Variants in CCDC88A observed in about 807,000 individuals in gnomAD.
CCDC88A encodes the protein coiled-coil and HOOK domain protein 88A, also known as girdin.
In CCDC88A, 54 loss-of-function variants were observed where a neutral mutation model predicts 234.3. The ratio of observed to expected loss-of-function variants is 0.23; its 90% CI spans 0.19 to 0.29. The LOEUF (loss-of-function observed/expected upper bound fraction) is 0.29, where lower values mean the gene tolerates loss of function less well. Ranked by LOEUF, CCDC88A falls within the 10% of genes least tolerant of loss-of-function variation. CCDC88A has a pLI of 1.00. For synonymous variants in CCDC88A, 753 were observed against 737.8 expected (o/e 1.02, Z -0.33); for missense variants, 1,832 against 2,123.4 (o/e 0.86, Z 2.70).
chr2:55,409,641 G>A (rs1232432432), intron 2 of CCDC88A, among the ~76,000 whole-genome samples: 2 of 151,870 alleles, frequency 1.3e-5, no homozygotes, highest in Non-Finnish European at 2.9e-5. Context: ...CCTGATGAGA[G>A]AGCTCTGCCC....
chr2:55,418,945 A>C (rs766194207), intron 1 of CCDC88A, 29 bp from the exon 2 acceptor site: 2 of 1,601,616 alleles, frequency 1.2e-6, no homozygotes, highest in Non-Finnish European at 1.7e-6. Context: ...TCACCACGAC[A>C]TGAACGCCCA....
At position 55,317,340 on chromosome 2, in the gene CCDC88A, C is replaced by A; in HGVS notation, c.3612G>T (p.Gln1204His). The change falls in exon 21 of 33, where the codon CAG becomes CAT. Residue 1204 changes from glutamine to histidine, a missense_variant. By Grantham distance (24) the Gln-to-His change is conservative. This residue lies in a region of CCDC88A where 1,282 missense variants were observed against 1,543.6 expected (regional missense o/e 0.83). Coordinates refer to ENST00000436346, the MANE Select transcript of CCDC88A (RefSeq NM_001365480.1). This position sits in a 1 kb window ranked among gnomAD's most constrained non-coding sequence, Gnocchi z 4.2. ...CCAACTGTCCTTTCTGTTTTAATAACTGATTGTAACTGGGGGGAAAAAAGG... is the reference window on the plus strand; with the variant it reads ...CCAACTGTCCTTTCTGTTTTAATAAATGATTGTAACTGGGGGGAAAAAAGG... Reference protein sequence around the residue: ...EHRDLEDRYNQLLKQKGQLED... With the variant: ...EHRDLEDRYNHLLKQKGQLED... 1 of 1,481,906 alleles carries A rather than the reference C, an allele frequency of 6.7e-7. No homozygotes were observed. 91.8% of individuals were successfully genotyped at this position (1,481,906 alleles called of 1,614,324 possible). A position where few individuals can be genotyped will look rare whatever the true frequency, so the allele number is the denominator to read the frequency against.
chr2:55,408,848 A>G (rs1037335961), intron 2 of CCDC88A, among the ~76,000 whole-genome samples: 1 of 152,098 alleles, frequency 6.6e-6, no homozygotes, highest in African/African-American at 2.4e-5. Flanking sequence ...ACCCCTTTCC[A>G]GTAACACAAC....
At chr2:55,408,445 A>T (rs1679955941) in intron 2 of CCDC88A, among the ~76,000 whole-genome samples, 1 of 152,154 alleles carries the variant, frequency 6.6e-6, no homozygotes, top group Non-Finnish European at 1.5e-5. Context: ...CACAAGATAC[A>T]GGTCATAAAG....
At chr2:55,374,957 G>A in intron 3 of CCDC88A, 74 bp from the exon 4 acceptor site, 1 of 892,338 alleles carries the variant, frequency 1.1e-6, no homozygotes, top group Non-Finnish European at 1.8e-6. Context: ...TATAACTTAT[G>A]ATTTGTACAT....
chr2:55,306,874 C>T (rs1178556511), intron 25 of CCDC88A, among the ~76,000 whole-genome samples: 1 of 152,196 alleles, frequency 6.6e-6, no homozygotes, highest in Non-Finnish European at 1.5e-5. Context: ...CCGCGCCTGG[C>T]CTATAGCCCA....
At chr2:55,301,444 T>A in intron 27 of CCDC88A, 167 bp from the exon 28 acceptor site, 4 of 528,498 alleles carry the variant, frequency 7.6e-6, no homozygotes, top group Non-Finnish European at 1.3e-5. Flanking sequence ...ATAAGAAAAA[T>A]GACAACTCTC....
At chr2:55,418,638 A>G (rs534428857) in intron 2 of CCDC88A, 178 bp downstream of exon 2, 1 of 598,908 alleles carries the variant, frequency 1.7e-6, no homozygotes, top group East Asian at 2.7e-5. Flanking sequence ...TAAAATATCT[A>G]GGTTGTGATA....
intron 9 of CCDC88A, chr2:55,349,215 T>C (rs372830336): frequency 6.5e-6 from 2 of 307,550 alleles, no homozygotes; most frequent in Non-Finnish European, 1.2e-5. Context: ...CAGTTTACAG[T>C]AGAGGTGTTC....
intron 5 of CCDC88A, among the ~76,000 whole-genome samples, chr2:55,367,024 T>A (rs890475272): frequency 6.6e-6 from 1 of 152,308 alleles, no homozygotes; most frequent in African/African-American, 2.4e-5. Context: ...CAATGATGAA[T>A]GGATGAACAA....
chr2:55,326,170 C>CT (rs70949102), intron 17 of CCDC88A, among the ~76,000 whole-genome samples: 60 of 147,548 alleles, frequency 4.1e-4, no homozygotes, highest in Non-Finnish European at 6.6e-4. Flanking sequence ...CCTGTTTCTT[C>CT]TTTTTTTTTT....
In CCDC88A at chr2:55,374,806, A is replaced by C. The variant is rs370735208; in HGVS notation, c.343+8T>G. On this transcript the variant is annotated splice_region_variant and intron_variant, in intron 4 of 32. Coordinates refer to ENST00000436346, the MANE Select transcript of CCDC88A (RefSeq NM_001365480.1). ...ACATTACTTTCACAGCTTAATTTTA[A>C]TACTTACCAGAAAAGGGATTTTTGC... 44 of 1,571,082 alleles carry C rather than the reference A, an allele frequency of 2.8e-5. 1 individual carries two copies. The Middle Eastern group carries it at 5.5e-3, about 197-fold the overall frequency.
chr2:55,322,565 A>C lies in CCDC88A; in HGVS notation c.3125T>G (p.Leu1042Arg). The C allele has an allele frequency of 6.2e-7, 1 of 1,604,224 alleles. No individual in the cohort carries two copies. Among genetic ancestry groups the C allele is most frequent in the Non-Finnish European group, 8.5e-7 (1 of 1,174,096 alleles). ...RESQETTREL[L>R]KVKDRLIEVE... The stretch of plus-strand genomic sequence containing the variant: ...TTCAATTAATCTGTCTTTAACTTTC[A>C]GAAGTTCTCTAGTCGTTTCTTGACT... The change falls in exon 18 of 33, where the codon CTG becomes CGG. Residue 1042 changes from leucine to arginine, a missense_variant. Coordinates refer to ENST00000436346, the MANE Select transcript of CCDC88A (RefSeq NM_001365480.1).
chr2:55,346,869 CT>C (rs1468069974), intron 9 of CCDC88A, among the ~76,000 whole-genome samples: 2 of 151,432 alleles, frequency 1.3e-5, no homozygotes, highest in Non-Finnish European at 2.9e-5. Flanking sequence ...TTTTTAAAAC[CT>C]TTTTAAAAAA....
At chr2:55,387,176 CAAAAAAAAA>C (rs869311337) in intron 3 of CCDC88A, among the ~76,000 whole-genome samples, 35 of 69,780 alleles carry the variant, frequency 5.0e-4, no homozygotes, top group African/African-American at 1.7e-3. Flanking sequence ...GATTCCATCT[CAAAAAAAAA>C]AAAAAAAAAA....
At chr2:55,350,453 T>C (rs1013000986) in intron 8 of CCDC88A, 5 of 151,990 alleles carry the variant, frequency 3.3e-5, no homozygotes, top group Admixed American at 6.6e-5. Flanking sequence ...ATTTTCTCTC[T>C]CTCCTTCACA....
intron 7 of CCDC88A, among the ~76,000 whole-genome samples, chr2:55,361,761 C>T (rs1671353095): frequency 6.6e-6 from 1 of 152,160 alleles, no homozygotes; most frequent in South Asian, 2.1e-4. Flanking sequence ...AGATAGAAAA[C>T]TTGGTACACT....
chr2:55,366,419 T>C (rs1283040641), intron 5 of CCDC88A, among the ~76,000 whole-genome samples: 1 of 151,668 alleles, frequency 6.6e-6, no homozygotes, highest in African/African-American at 2.4e-5. Flanking sequence ...CCCAGCTACT[T>C]GGGAGGCTAA....
At chr2:55,410,855 T>C (rs957953351) in intron 2 of CCDC88A, among the ~76,000 whole-genome samples, 1 of 151,088 alleles carries the variant, frequency 6.6e-6, no homozygotes, top group African/African-American at 2.4e-5. Flanking sequence ...ATCTCGCCAC[T>C]GCATTCCAGT....
Sources: gnomAD v4.1 joint callset for allele counts (sites outside exome capture counted in the v4.1 genomes callset) on GRCh38, gnomAD v4.1.1 for gene constraint, gnomAD v4.1.1 regional missense constraint, Gnocchi (gnomAD v3.1) non-coding constraint, MANE v1.5 for transcripts, NCBI Gene and HGNC (gene_info 2026-07-23, HGNC 2026-07-21) for gene names.